The following RGS3 variants were observed in gnomAD, a reference collection of about 807,000 sequenced individuals.
RGS3 encodes regulator of G-protein signalling 3.
In RGS3, 80 loss-of-function variants were observed where a neutral mutation model predicts 132.6. The observed-to-expected ratio is 0.60, with a 90% confidence interval of 0.50 to 0.73. The LOEUF (loss-of-function observed/expected upper bound fraction) is 0.73, where lower values mean the gene tolerates loss of function less well. RGS3 is among the 30% of genes least tolerant of loss of function. The pLI is 0.00. For synonymous variants in RGS3, 598 were observed against 620.6 expected (o/e 0.96, Z 0.54); for missense variants, 1,382 against 1,530.8 (o/e 0.90, Z 1.62).
In RGS3 at chr9:113,536,777, C is replaced by T. The variant is rs140418087; in HGVS notation, c.1915-19C>T. 6.2e-7 allele frequency: 1 copy of T among 1,611,966 alleles called. No homozygotes were observed. Among genetic ancestry groups the T allele is most frequent in the African/African-American group, 1.3e-5 (1 of 74,916 alleles). ...GGAGCAGCCCTGACCGTCCGTTTCT[C>T]TATTTTCCCTGACGTCAGAAGGCAG... On this transcript the variant is annotated intron_variant, in intron 18 of 24. Coordinates refer to ENST00000350696, the Ensembl canonical transcript of RGS3.
chr9:113,497,080 C>T lies in RGS3; in HGVS notation c.751-234C>T, dbSNP rs76568893. 2.5e-3 allele frequency among the ~76,000 whole-genome samples: 380 copies of T among 152,296 alleles called. 1 individual carries two copies. Among genetic ancestry groups the T allele is most frequent in the African/African-American group, 8.4e-3 (350 of 41,552 alleles). The stretch of plus-strand genomic sequence containing the variant: ...GGAGACAGGCAAGTAGATGGTTGTC[C>T]TCCAGGGATAAGAGGCTGTGGGAAT... On this transcript the variant is annotated intron_variant, in intron 8 of 24. Transcript: ENST00000350696.
chr9:113,531,359 T>C (rs1832456205), intron 18 of RGS3, among the ~76,000 whole-genome samples: 1 of 152,206 alleles, frequency 6.6e-6, no homozygotes, highest in African/African-American at 2.4e-5. Context: ...TAGATTTGAA[T>C]CTTGGCTCTG....
intron 15 of RGS3, among the ~76,000 whole-genome samples, chr9:113,516,624 G>T (rs1831680633): frequency 6.6e-6 from 1 of 152,192 alleles, no homozygotes; most frequent in Admixed American, 6.5e-5. Flanking sequence ...CTTCCAAAGT[G>T]CTGGGATTAC....
intron 3 of RGS3, among the ~76,000 whole-genome samples, chr9:113,466,354 C>T (rs1302582836): frequency 6.6e-6 from 1 of 152,176 alleles, no homozygotes; most frequent in Non-Finnish European, 1.5e-5. Context: ...TGAGCACAGA[C>T]ATGTAAAGGG....
rs1829141818 is a variant in RGS3 at position 113,447,610 on chromosome 9, T to C, written c.-13+2683T>C. Reference sequence around the variant, plus strand: ...TTGTTTTATTTGCTCATTCATTTATTTGCTATAAATTCATTCATTCCTCAA... The same window carrying C: ...TTGTTTTATTTGCTCATTCATTTATCTGCTATAAATTCATTCATTCCTCAA... On this transcript the variant is annotated intron_variant, in intron 1 of 25. Transcript: ENST00000374140. Among the ~76,000 whole-genome samples the C allele has an allele frequency of 2.0e-5, 3 of 151,884 alleles. No individual in the cohort carries two copies. The South Asian group carries it at 6.2e-4, about 32-fold the overall frequency.
intron 19 of RGS3, among the ~76,000 whole-genome samples, chr9:113,575,625 T>C (rs1373002477): frequency 1.3e-5 from 2 of 152,196 alleles, no homozygotes; most frequent in Non-Finnish European, 2.9e-5. Flanking sequence ...ATTTTAGTGC[T>C]GATTCTGTTG....
rs759785639 is a variant in RGS3 at position 113,507,301 on chromosome 9, A to G, written c.1100A>G (p.Glu367Gly). The G allele has an allele frequency of 1.2e-6, 2 of 1,611,560 alleles. No individual in the cohort carries two copies. ...CCACCTTCCAGGAGCTGCCCCAGTG[A>G]GATCATCCTACTCGTGTGGCGCATG... Residue 367 changes from glutamate (E) to glycine (G), a missense_variant, in exon 13 of 25, where the codon GAG becomes GGG. Transcript: ENST00000350696. This position sits in a 1 kb window ranked among gnomAD's most constrained non-coding sequence, Gnocchi z 5.0.
At chr9:113,583,924 G>C in exon 20 of RGS3, 1 of 1,614,074 alleles carries the variant, frequency 6.2e-7, no homozygotes. Flanking sequence ...GAGCTCCGGG[G>C]ACCTACTAGC....
intron 3 of RGS3, 148 bp downstream of exon 1, chr9:113,464,029 G>A (rs1829548732): frequency 1.2e-6 from 1 of 809,906 alleles, no homozygotes; most frequent in Non-Finnish European, 1.9e-6. Context: ...TCCTGTGACT[G>A]CCCAGGAGGG....
chr9:113,536,591 G>A (rs1367884187), intron 18 of RGS3: 23 of 1,390,652 alleles, frequency 1.7e-5, no homozygotes, highest in Admixed American at 7.9e-5. Context: ...CCCACAGCTC[G>A]CCAGCTGGCC....
intron 3 of RGS3, among the ~76,000 whole-genome samples, chr9:113,472,462 C>A (rs374788770): frequency 1.3e-5 from 2 of 152,120 alleles, no homozygotes; most frequent in African/African-American, 2.4e-5. Context: ...AATACTGATA[C>A]GTGCTACAAT....
At chr9:113,548,661 G>A (rs1250100377) in intron 19 of RGS3, among the ~76,000 whole-genome samples, 1 of 152,216 alleles carries the variant, frequency 6.6e-6, no homozygotes, top group Non-Finnish European at 1.5e-5. Context: ...GAGTCCTGGA[G>A]CCATCAGCCC....
intron 1 of RGS3, among the ~76,000 whole-genome samples, chr9:113,453,024 A>T (rs1829286088): frequency 7.6e-6 from 1 of 131,324 alleles, no homozygotes; most frequent in Admixed American, 8.6e-5. Context: ...TATTTTATAT[A>T]TAATATATAA....
chr9:113,486,127 G>A (rs1005938640), intron 7 of RGS3, among the ~76,000 whole-genome samples: 1 of 152,166 alleles, frequency 6.6e-6, no homozygotes, highest in Non-Finnish European at 1.5e-5. Flanking sequence ...CTGGCATATA[G>A]ATGTTTATTA....
chr9:113,595,906 A>G, intron 24 of RGS3, 141 bp downstream of exon 22: 1 of 904,256 alleles, frequency 1.1e-6, no homozygotes, highest in Non-Finnish European at 1.7e-6. Flanking sequence ...GGGAAGATGC[A>G]AGCTAGGATC....
intron 14 of RGS3, among the ~76,000 whole-genome samples, chr9:113,513,295 T>TC (rs199930211): frequency 0.1 from 15,640 of 151,782 alleles, 902 homozygotes; most frequent in African/African-American, 0.14. Flanking sequence ...GAGGGACCCC[T>TC]CCCCCCACAC....
intron 14 of RGS3, among the ~76,000 whole-genome samples, chr9:113,514,020 C>G (rs1831525605): frequency 6.6e-6 from 1 of 152,216 alleles, no homozygotes; most frequent in Admixed American, 6.5e-5. Context: ...GCCACACAGG[C>G]TGGTCACCAC....
At position 113,517,377 on chromosome 9, in the gene RGS3, T is replaced by C. The variant is rs1468215788; in HGVS notation, c.1675-164T>C. The C allele has an allele frequency of 1.3e-4, 89 of 702,256 alleles. 1 individual carries two copies. In the East Asian group the frequency reaches 2.4e-3, roughly 19 times the overall value. 43.5% of individuals were successfully genotyped at this position (702,256 alleles called of 1,614,324 possible). A position where few individuals can be genotyped will look rare whatever the true frequency, so the allele number is the denominator to read the frequency against. On this transcript the variant is annotated intron_variant, in intron 15 of 24. Transcript: ENST00000350696. Reference sequence around the variant, plus strand: ...CAGCGTCTCTCTTTCTGTTTCCATCTTATGTATGAGGGGGTGTGTGGGTTC... The same window carrying C: ...CAGCGTCTCTCTTTCTGTTTCCATCCTATGTATGAGGGGGTGTGTGGGTTC...
intron 19 of RGS3, among the ~76,000 whole-genome samples, chr9:113,561,010 TTC>T (rs371560890): frequency 4.7e-4 from 72 of 152,154 alleles, no homozygotes; most frequent in African/African-American, 1.7e-3. Flanking sequence ...TTTCCCTGAC[TTC>T]TCTCTCTCTC....
Sources: allele counts gnomAD v4.1 joint callset (sites outside exome capture counted in the v4.1 genomes callset), GRCh38; gene constraint gnomAD v4.1.1; non-coding constraint Gnocchi (gnomAD v3.1); transcripts MANE v1.5; gene names NCBI Gene and HGNC (gene_info 2026-07-23, HGNC 2026-07-21).